Variants in GABRG3 observed in about 807,000 individuals in gnomAD.
GABRG3 encodes gamma-aminobutyric acid type A receptor subunit gamma3, also known as gamma-aminobutyric acid receptor subunit gamma-3.
Under a neutral mutation model 48.8 loss-of-function variants are expected in GABRG3, and 25 were observed. The ratio of observed to expected loss-of-function variants is 0.51; its 90% CI spans 0.37 to 0.72. The LOEUF (loss-of-function observed/expected upper bound fraction) is 0.72. GABRG3 is among the 30% of genes least tolerant of loss of function. GABRG3 has a pLI of 0.00. For missense variants in GABRG3, 394 were observed against 577.9 expected (o/e 0.68, Z 3.26); for synonymous variants, 227 against 217.6 (o/e 1.04, Z -0.38).
chr15:27,429,677 T>A (rs1041845233), intron 5 of GABRG3, among the ~76,000 whole-genome samples: 5 of 152,236 alleles, frequency 3.3e-5, no homozygotes, highest in African/African-American at 1.2e-4. Flanking sequence ...TATGGCCTTT[T>A]GTGACTGACC....
At chr15:27,462,067 C>G (rs1889467489) in intron 5 of GABRG3, among the ~76,000 whole-genome samples, 1 of 152,162 alleles carries the variant, frequency 6.6e-6, no homozygotes, top group South Asian at 2.1e-4. Flanking sequence ...GCTCAGTTGT[C>G]TTCCTCGTTC....
At chr15:27,125,489 T>C (rs1897804367) in intron 3 of GABRG3, among the ~76,000 whole-genome samples, 1 of 152,196 alleles carries the variant, frequency 6.6e-6, no homozygotes, top group Non-Finnish European at 1.5e-5. Context: ...ATTTTGACTG[T>C]TCACAACACA....
At chr15:27,173,322 A>G (rs1290200679) in intron 3 of GABRG3, among the ~76,000 whole-genome samples, 1 of 152,170 alleles carries the variant, frequency 6.6e-6, no homozygotes, top group Non-Finnish European at 1.5e-5. Context: ...GCAAAGAACT[A>G]TTGCATCCTA....
At chr15:27,409,621 C>T (rs960178581) in intron 5 of GABRG3, among the ~76,000 whole-genome samples, 1 of 151,598 alleles carries the variant, frequency 6.6e-6, no homozygotes, top group Non-Finnish European at 1.5e-5. Flanking sequence ...TCTTATGTAG[C>T]AAAAAAAACT....
At chr15:27,004,352 C>T (rs56000455) in intron 2 of GABRG3, among the ~76,000 whole-genome samples, 44,371 of 150,462 alleles carry the variant, frequency 0.29, 7,442 homozygotes, top group South Asian at 0.42. Context: ...AGACAATGGG[C>T]GGCCGGGCAG....
chr15:27,386,708 A>G (rs1235149308), intron 5 of GABRG3, among the ~76,000 whole-genome samples: 1 of 152,182 alleles, frequency 6.6e-6, no homozygotes, highest in African/African-American at 2.4e-5. Context: ...CCCCTGGCTA[A>G]GATGCTACAG....
intron 3 of GABRG3, among the ~76,000 whole-genome samples, chr15:27,156,172 G>A (rs956838832): frequency 5.9e-5 from 9 of 151,374 alleles, no homozygotes; most frequent in Admixed American, 1.3e-4. Context: ...GGTGGTGGGC[G>A]CCAGTAGTCC....
rs1419346618 is a variant in GABRG3 at position 27,540,695 on chromosome 15, C to T, written c.*7814C>T. 6.6e-6 allele frequency: 1 copy of T among 152,222 alleles called. No homozygotes were observed. The highest frequency in any genetic ancestry group is 2.1e-4 in the South Asian group (1 of 4,830). 9.4% of individuals were successfully genotyped at this position (152,222 alleles called of 1,614,324 possible). A position where few individuals can be genotyped will look rare whatever the true frequency, so the allele number is the denominator to read the frequency against. ...ACAATGTGTTTTCCTTTACGTGCAG[C>T]TCCGGTACTGAGCAAAAGGTTCGTT... is the stretch of plus-strand genomic sequence containing the variant. On this transcript the variant is annotated 3_prime_UTR_variant, in exon 10 of 10. Transcript: ENST00000615808.
At chr15:27,307,091 CATATA>C (rs1185504311) in intron 3 of GABRG3, among the ~76,000 whole-genome samples, 9 of 116,406 alleles carry the variant, frequency 7.7e-5, no homozygotes, top group South Asian at 5.0e-4. Context: ...TATATATAAA[CATATA>C]ATATAAACAT....
intron 3 of GABRG3, among the ~76,000 whole-genome samples, chr15:27,316,685 C>T (rs909017514): frequency 6.6e-6 from 1 of 152,120 alleles, no homozygotes; most frequent in Non-Finnish European, 1.5e-5. Context: ...TGAGGAATTT[C>T]GTTCGTTTTA....
intron 5 of GABRG3, among the ~76,000 whole-genome samples, chr15:27,367,290 C>T (rs1895239981): frequency 6.6e-6 from 1 of 152,172 alleles, no homozygotes; most frequent in South Asian, 2.1e-4. Flanking sequence ...GTGGAAGATC[C>T]CAGTCCTCCT....
intron 5 of GABRG3, among the ~76,000 whole-genome samples, chr15:27,414,260 T>C (rs1231786316): frequency 3.3e-5 from 5 of 152,196 alleles, no homozygotes; most frequent in African/African-American, 1.2e-4. Flanking sequence ...CCCAAAGCCC[T>C]CATGGTTTCT....
intron 5 of GABRG3, among the ~76,000 whole-genome samples, chr15:27,385,980 G>T (rs2140567796): frequency 6.6e-6 from 1 of 152,196 alleles, no homozygotes; most frequent in South Asian, 2.1e-4. Flanking sequence ...GCGTATTTTA[G>T]ATAATATATT....
At chr15:27,165,985 C>T (rs766379257) in intron 3 of GABRG3, among the ~76,000 whole-genome samples, 2 of 152,080 alleles carry the variant, frequency 1.3e-5, no homozygotes, top group African/African-American at 4.8e-5. Flanking sequence ...GAGAGCAAGA[C>T]ACCAGACAGT....
chr15:27,074,879 T>G lies in GABRG3; in HGVS notation c.270+48058T>G, dbSNP rs1896885454. On this transcript the variant is annotated intron_variant, in intron 3 of 9. Coordinates refer to ENST00000615808, the MANE Select transcript of GABRG3 (RefSeq NM_033223.5). ...ATGTTGGGGTTGGTTTTTAAAGAGT[T>G]GGACATTACATGGAGGCTTTATTCC... 3.3e-5 allele frequency among the ~76,000 whole-genome samples: 5 copies of G among 152,212 alleles called. 1 individual carries two copies. The highest frequency in any genetic ancestry group is 1.2e-4 in the African/African-American group (5 of 41,554).
rs375579013 is a variant in GABRG3, at chr15:27,256,238, C to G, written c.271-70571C>G. On this transcript the variant is annotated intron_variant, in intron 3 of 9. Coordinates refer to ENST00000615808, the MANE Select transcript of GABRG3 (RefSeq NM_033223.5). Reference sequence around the variant, plus strand: ...CGGGCGGATCAGGAGGTCAGGAGATCAAGACCATCCTGGCTAACATGGTGA... The same window carrying G: ...CGGGCGGATCAGGAGGTCAGGAGATGAAGACCATCCTGGCTAACATGGTGA... Among the ~76,000 whole-genome samples the G allele has an allele frequency of 5.3e-5, 8 of 151,812 alleles. No individual in the cohort carries two copies. In the East Asian group the frequency reaches 9.8e-4, roughly 19 times the overall value.
At chr15:27,232,015 A>G (rs1249712357) in intron 3 of GABRG3, among the ~76,000 whole-genome samples, 1 of 152,216 alleles carries the variant, frequency 6.6e-6, no homozygotes, top group Non-Finnish European at 1.5e-5. Context: ...ACTGTACAAT[A>G]AATCATATCA....
At chr15:27,229,749 T>G (rs2140446490) in intron 3 of GABRG3, among the ~76,000 whole-genome samples, 1 of 152,260 alleles carries the variant, frequency 6.6e-6, no homozygotes, top group South Asian at 2.1e-4. Context: ...AGTGCTGGGA[T>G]TACAGGTCTG....
chr15:27,306,736 CATAT>C (rs1246214818), intron 3 of GABRG3, among the ~76,000 whole-genome samples: 1 of 115,364 alleles, frequency 8.7e-6, no homozygotes, highest in African/African-American at 3.8e-5. Flanking sequence ...TATATATAAA[CATAT>C]ACAATATAAA....
Sources: gnomAD v4.1 joint callset for allele counts (sites outside exome capture counted in the v4.1 genomes callset) on GRCh38, gnomAD v4.1.1 for gene constraint, MANE v1.5 for transcripts, NCBI Gene and HGNC (gene_info 2026-07-23, HGNC 2026-07-21) for gene names.